The following RBFOX1 variants were observed in gnomAD, a reference collection of about 807,000 sequenced individuals.
RBFOX1 encodes RNA binding fox-1 homolog 1.
RBFOX1 carries 8 observed loss-of-function variants against 57.7 expected under a neutral mutation model. The ratio of observed to expected loss-of-function variants is 0.14; its 90% CI spans 0.08 to 0.25. The LOEUF is 0.25. RBFOX1 is among the 10% of genes least tolerant of loss of function. The probability of loss-of-function intolerance (pLI) is 1.00; values close to 1 mark genes in which losing one functional copy is unlikely to be tolerated. For synonymous variants in RBFOX1, 326 were observed against 222.4 expected (o/e 1.47, Z -4.15); for missense variants, 611 against 548.5 (o/e 1.11, Z -1.14).
intron 4 of RBFOX1, among the ~76,000 whole-genome samples, chr16:7,439,928 A>G (rs569576384): frequency 2.6e-5 from 4 of 151,224 alleles, no homozygotes; most frequent in South Asian, 2.1e-4. Flanking sequence ...CTGAACCACA[A>G]AACAACCAAA....
At chr16:7,234,278 G>C (rs1419822335) in intron 4 of RBFOX1, among the ~76,000 whole-genome samples, 3 of 152,040 alleles carry the variant, frequency 2.0e-5, no homozygotes, top group Non-Finnish European at 2.9e-5. Context: ...AAGAGCAAAA[G>C]AGCTCATTTC....
At chr16:6,084,092 C>G (rs889460479) in intron 1 of RBFOX1, among the ~76,000 whole-genome samples, 1 of 152,260 alleles carries the variant, frequency 6.6e-6, no homozygotes, top group Admixed American at 6.5e-5. Flanking sequence ...ACTTAGGGGC[C>G]TGAGCTTTTC....
At chr16:6,942,929 A>T (rs1243359120) in intron 3 of RBFOX1, among the ~76,000 whole-genome samples, 1 of 152,190 alleles carries the variant, frequency 6.6e-6, no homozygotes, top group Non-Finnish European at 1.5e-5. Context: ...CAGGGCTCGC[A>T]TTGGAGATTC....
intron 1 of RBFOX1, among the ~76,000 whole-genome samples, chr16:5,258,571 G>A (rs1375775574): frequency 6.6e-6 from 1 of 152,184 alleles, no homozygotes; most frequent in African/African-American, 2.4e-5. Context: ...TTTAATGACA[G>A]AGATTCCATA....
intron 4 of RBFOX1, among the ~76,000 whole-genome samples, chr16:5,954,431 A>C (rs2059583989): frequency 1.3e-5 from 2 of 152,152 alleles, no homozygotes; most frequent in Admixed American, 6.5e-5. Context: ...TAAACCCAGC[A>C]GAAAATGATC....
intron 2 of RBFOX1, chr16:6,483,238 G>A: frequency 1.6e-6 from 2 of 1,240,868 alleles, no homozygotes; most frequent in East Asian, 3.7e-5. Context: ...CCCTGGCGCC[G>A]CCGTGGCCTC....
chr16:5,699,115 G>A (rs913363167), intron 3 of RBFOX1, among the ~76,000 whole-genome samples: 161 of 151,492 alleles, frequency 1.1e-3, no homozygotes, highest in Non-Finnish European at 2.8e-4. Context: ...AGCCTCCCGA[G>A]CAGCTGGGTC....
chr16:6,397,021 G>A (rs1219219461), intron 2 of RBFOX1, among the ~76,000 whole-genome samples: 1 of 152,048 alleles, frequency 6.6e-6, no homozygotes, highest in Non-Finnish European at 1.5e-5. Flanking sequence ...TTGAAAAAAA[G>A]CAAATGATTT....
intron 3 of RBFOX1, among the ~76,000 whole-genome samples, chr16:6,967,093 A>T (rs1481582876): frequency 6.6e-6 from 1 of 151,956 alleles, no homozygotes; most frequent in Non-Finnish European, 1.5e-5. Context: ...CCATCATTCT[A>T]TTTGTCTATA....
chr16:6,011,255 T>A (rs1433125974), intron 4 of RBFOX1, among the ~76,000 whole-genome samples: 2 of 152,216 alleles, frequency 1.3e-5, no homozygotes, highest in Non-Finnish European at 2.9e-5. Flanking sequence ...CGCAACTTTT[T>A]TTGCCTCTTG....
At chr16:6,147,328 C>G (rs1279020431) in intron 1 of RBFOX1, among the ~76,000 whole-genome samples, 2 of 152,156 alleles carry the variant, frequency 1.3e-5, no homozygotes, top group African/African-American at 4.8e-5. Flanking sequence ...GCCAGTTTTG[C>G]TTTTCTGTGA....
intron 1 of RBFOX1, among the ~76,000 whole-genome samples, chr16:6,184,726 A>ATTTTT (rs67673371): frequency 6.9e-6 from 1 of 145,780 alleles, no homozygotes. Flanking sequence ...TGCCTGGCTC[A>ATTTTT]TTTTTTTTTT....
chr16:6,523,331 G>A (rs1386340456), intron 2 of RBFOX1, among the ~76,000 whole-genome samples: 2 of 152,262 alleles, frequency 1.3e-5, no homozygotes, highest in South Asian at 2.1e-4. Flanking sequence ...CCATTTGGAC[G>A]ACAGAGGTGT....
intron 5 of RBFOX1, among the ~76,000 whole-genome samples, chr16:7,552,347 C>T (rs977044801): frequency 1.3e-5 from 2 of 152,116 alleles, no homozygotes; most frequent in East Asian, 3.9e-4. Context: ...TGAGAGGCGA[C>T]AGGATACTCA....
chr16:6,382,579 A>C (rs1489461018), intron 2 of RBFOX1, among the ~76,000 whole-genome samples: 1 of 152,132 alleles, frequency 6.6e-6, no homozygotes, highest in East Asian at 1.9e-4. Context: ...TGCTTTTAAG[A>C]CTGGGTGCAG....
At chr16:7,415,105 C>G (rs536800919) in intron 4 of RBFOX1, among the ~76,000 whole-genome samples, 5 of 152,228 alleles carry the variant, frequency 3.3e-5, no homozygotes, top group African/African-American at 9.6e-5. Context: ...GCAGTACCAA[C>G]TGTAATCCTC....
chr16:7,333,685 G>T (rs1365703039), intron 4 of RBFOX1, among the ~76,000 whole-genome samples: 2 of 152,144 alleles, frequency 1.3e-5, no homozygotes, highest in South Asian at 4.1e-4. Flanking sequence ...GAAAGTGGAG[G>T]GTTGATATGT....
At chr16:6,654,015 G>C (rs563221980) in intron 2 of RBFOX1, among the ~76,000 whole-genome samples, 4 of 151,236 alleles carry the variant, frequency 2.6e-5, no homozygotes, top group East Asian at 2.0e-4. Context: ...ATAGAGGAAG[G>C]GTGGGTGGGT....
At chr16:6,600,115 C>T (rs1015869581) in intron 2 of RBFOX1, among the ~76,000 whole-genome samples, 1 of 152,156 alleles carries the variant, frequency 6.6e-6, no homozygotes, top group Non-Finnish European at 1.5e-5. Context: ...TCATTTTTCT[C>T]ACTTCCCTTA....
Sources: allele counts gnomAD v4.1 joint callset (sites outside exome capture counted in the v4.1 genomes callset), GRCh38; gene constraint gnomAD v4.1.1; transcripts MANE v1.5; gene names NCBI Gene and HGNC (gene_info 2026-07-23, HGNC 2026-07-21).